Variants in NF1 observed in about 807,000 individuals in gnomAD.
NF1 encodes the protein neurofibromin.
NF1 carries 122 observed loss-of-function variants against 325.7 expected under a neutral mutation model. The ratio of observed to expected loss-of-function variants is 0.37; its 90% confidence interval spans 0.32 to 0.44. The LOEUF is 0.44. Ranked by LOEUF, NF1 falls within the 20% of genes least tolerant of loss-of-function variation. The pLI, the probability that NF1 is intolerant of heterozygous loss-of-function variation, is 1.00. For missense variants in NF1, 2,140 were observed against 3,415.4 expected, an observed-to-expected ratio of 0.63 and a Z score of 9.31; for synonymous variants, 1,091 against 1,186.0, an observed-to-expected ratio of 0.92 and a Z score of 1.65.
At chr17:31,126,523 G>A (rs1455863901) in intron 1 of NF1, among the ~76,000 whole-genome samples, 1 of 151,932 alleles carries the variant, frequency 6.6e-6, no homozygotes, top group Non-Finnish European at 1.5e-5. Context: ...TTGGCTCATT[G>A]CAACCTTTGC....
chr17:31,334,251 C>T (rs1004645661), intron 39 of NF1, among the ~76,000 whole-genome samples: 7 of 151,512 alleles, frequency 4.6e-5, no homozygotes, highest in Middle Eastern at 3.4e-3. Flanking sequence ...GAGCCGAGAT[C>T]GCTCCTCTGC....
chr17:31,325,181 AC>A (rs1242479190), intron 36 of NF1, among the ~76,000 whole-genome samples: 2 of 152,224 alleles, frequency 1.3e-5, no homozygotes, highest in Non-Finnish European at 2.9e-5. Context: ...TTTATCTCAT[AC>A]ACAAATGATA....
At chr17:31,136,056 G>A (rs1383276895) in intron 1 of NF1, among the ~76,000 whole-genome samples, 3 of 151,986 alleles carry the variant, frequency 2.0e-5, no homozygotes, top group Non-Finnish European at 2.9e-5. Context: ...CAGGGCCAGC[G>A]CGGTGGCTCA....
chr17:31,282,930 TTGTC>T (rs1235858640), intron 36 of NF1, among the ~76,000 whole-genome samples: 1 of 152,230 alleles, frequency 6.6e-6, no homozygotes, highest in Non-Finnish European at 1.5e-5. Flanking sequence ...ACACTTGATA[TTGTC>T]TGTCTTTCTA....
At chr17:31,263,156 A>G (rs1172336760) in intron 35 of NF1, among the ~76,000 whole-genome samples, 1 of 151,534 alleles carries the variant, frequency 6.6e-6, no homozygotes, top group African/African-American at 2.4e-5. Flanking sequence ...GATAAGATAG[A>G]TAGATTGGGC....
intron 1 of NF1, among the ~76,000 whole-genome samples, chr17:31,109,393 T>C (rs1913201686): frequency 6.6e-6 from 1 of 151,974 alleles, no homozygotes; most frequent in South Asian, 2.1e-4. Context: ...TTTTTCTTTT[T>C]CTTTTTTTTT....
chr17:31,222,107 G>A, intron 15 of NF1, 178 bp downstream of exon 15: 1 of 1,293,706 alleles, frequency 7.7e-7, no homozygotes, highest in East Asian at 2.9e-5. Flanking sequence ...TGTAAGAAAA[G>A]TATCACAGCA....
At chr17:31,271,633 C>T (rs1446787166) in intron 36 of NF1, among the ~76,000 whole-genome samples, 1 of 151,942 alleles carries the variant, frequency 6.6e-6, no homozygotes, top group Non-Finnish European at 1.5e-5. Flanking sequence ...ATCTGTAATC[C>T]CAGCTACTCT....
At chr17:31,205,116 C>T (rs971966333) in intron 11 of NF1, among the ~76,000 whole-genome samples, 7 of 152,006 alleles carry the variant, frequency 4.6e-5, no homozygotes, top group East Asian at 3.8e-4. Flanking sequence ...TTTTACTATC[C>T]GGCGAACAGG....
At chr17:31,238,108 G>C (rs1316536673) in intron 29 of NF1, among the ~76,000 whole-genome samples, 2 of 152,178 alleles carry the variant, frequency 1.3e-5, no homozygotes, top group African/African-American at 4.8e-5. Context: ...GGAAAGCTTA[G>C]ATCATAATTG....
At chr17:31,304,254 T>G (rs368478328) in intron 36 of NF1, 1 of 1,573,304 alleles carries the variant, frequency 6.4e-7, no homozygotes, top group African/African-American at 1.4e-5. Context: ...AAAAAGCAAG[T>G]TGTAATATTT....
chr17:31,318,200 A>G (rs2069074454), intron 36 of NF1: 2 of 1,430,986 alleles, frequency 1.4e-6, no homozygotes, highest in Middle Eastern at 2.5e-4. Flanking sequence ...AAGGTCTACC[A>G]TGTCAAATTT....
intron 1 of NF1, among the ~76,000 whole-genome samples, chr17:31,125,017 G>A (rs1343913077): frequency 6.6e-6 from 1 of 150,736 alleles, no homozygotes; most frequent in Non-Finnish European, 1.5e-5. Flanking sequence ...AATTCACAGA[G>A]TAAAAAACAA....
intron 8 of NF1, among the ~76,000 whole-genome samples, chr17:31,188,935 G>A (rs1311806401): frequency 2.6e-5 from 4 of 152,236 alleles, no homozygotes; most frequent in Non-Finnish European, 4.4e-5. Flanking sequence ...CCTCGTGATC[G>A]TGTAAGTTAA....
intron 36 of NF1, among the ~76,000 whole-genome samples, chr17:31,310,263 G>GA: frequency 6.6e-6 from 1 of 150,898 alleles, no homozygotes; most frequent in Non-Finnish European, 1.5e-5. Context: ...ACACAAAAGA[G>GA]AAAAAACAAA....
intron 33 of NF1, 93 bp downstream of exon 33, chr17:31,259,222 G>C: frequency 2.3e-6 from 2 of 864,914 alleles, no homozygotes; most frequent in Non-Finnish European, 3.8e-6. Context: ...TGAAGTTCCT[G>C]TGTAAGTTTT....
At chr17:31,119,392 G>T (rs1272969878) in intron 1 of NF1, among the ~76,000 whole-genome samples, 1 of 150,554 alleles carries the variant, frequency 6.6e-6, no homozygotes, top group Admixed American at 6.6e-5. Flanking sequence ...TTTTTCCTGT[G>T]TTTTTTGGCT....
At chr17:31,151,358 A>G (rs565809032) in intron 1 of NF1, among the ~76,000 whole-genome samples, 116 of 152,318 alleles carry the variant, frequency 7.6e-4, no homozygotes, top group Non-Finnish European at 1.5e-3. Flanking sequence ...AACATACCCC[A>G]TCACTAAATA....
intron 56 of NF1, chr17:31,360,169 C>T: frequency 5.2e-6 from 2 of 384,118 alleles, no homozygotes; most frequent in South Asian, 4.6e-5. Flanking sequence ...TGATGATGCT[C>T]TGCTCATTTT....
Sources: allele counts gnomAD v4.1 joint callset (sites outside exome capture counted in the v4.1 genomes callset), GRCh38; gene constraint gnomAD v4.1.1; transcripts MANE v1.5; gene names NCBI Gene and HGNC (gene_info 2026-07-23, HGNC 2026-07-21).